SFI1: variants seen among roughly 807,000 people sequenced by gnomAD.
SFI1 encodes SFI1 centrin binding protein, also known as protein SFI1 homolog.
Under a neutral mutation model 207.5 loss-of-function variants are expected in SFI1, and 195 were observed. That is an observed-to-expected ratio of 0.94 (90% CI 0.84 to 1.06). SFI1 has a LOEUF of 1.06. SFI1 is among the 50% of genes least tolerant of loss of function. SFI1 has a pLI of 0.00. For missense variants in SFI1, 1,634 were observed against 1,588.0 expected (o/e 1.03, Z -0.49); for synonymous variants, 630 against 598.9 (o/e 1.05, Z -0.76).
chr22:31,562,437 CAAAAA>C (rs528463423), intron 8 of SFI1, among the ~76,000 whole-genome samples: 2 of 99,990 alleles, frequency 2.0e-5, no homozygotes, highest in Non-Finnish European at 4.4e-5. Flanking sequence ...GGCCCTGTCT[CAAAAA>C]AAAAAAAAAA....
In SFI1 at chr22:31,604,357, C is replaced by T. The variant is rs149899528; in HGVS notation, c.1930C>T (p.Leu644=). 1.6e-5 allele frequency: 26 copies of T among 1,579,008 alleles called. No homozygotes were observed. The African/African-American group carries it at 3.5e-4, about 21-fold the overall frequency. ...GCGGCAGAAGCTGATGCGAGCAGAC[C>T]TGCACCACCAGCACAGCGTGCTGCA... ...AERQKLMRAD[L]HHQHSVLHRA... Residue 644 remains leucine (L), a synonymous_variant, in exon 19 of 33, where the codon CTG becomes TTG. Transcript: ENST00000400288.
At chr22:31,496,199 G>A (rs1001798647), upstream of SFI1, 1 of 152,274 alleles carries the variant, frequency 6.6e-6, no homozygotes, top group Non-Finnish European at 1.5e-5. Flanking sequence ...CTCATCTTTA[G>A]TGCTCGGCCG....
At chr22:31,611,657 A>G in intron 23 of SFI1, 109 bp from the exon 24 acceptor site, 2 of 1,129,672 alleles carry the variant, frequency 1.8e-6, no homozygotes, top group South Asian at 1.5e-5. Flanking sequence ...CAGGACTCCT[A>G]GCAATGGGAG....
At chr22:31,521,850 A>G (rs2057307569) in intron 2 of SFI1, among the ~76,000 whole-genome samples, 1 of 150,934 alleles carries the variant, frequency 6.6e-6, no homozygotes, top group Non-Finnish European at 1.5e-5. Context: ...TGTAACCTCC[A>G]CCTCCTAGGT....
intron 15 of SFI1, among the ~76,000 whole-genome samples, chr22:31,589,948 C>T (rs2146423508): frequency 6.6e-6 from 1 of 151,506 alleles, no homozygotes; most frequent in Admixed American, 6.6e-5. Context: ...CCATGACCTG[C>T]CATCTGCAAG....
chr22:31,581,490 C>T (rs2146127782), intron 12 of SFI1, among the ~76,000 whole-genome samples: 1 of 152,102 alleles, frequency 6.6e-6, no homozygotes, highest in South Asian at 2.1e-4. Context: ...GGGTTTTTCC[C>T]CATGTTGGTT....
chr22:31,606,519 T>C (rs1304875243), intron 21 of SFI1, 89 bp downstream of exon 21: 14 of 1,029,964 alleles, frequency 1.4e-5, no homozygotes, highest in Non-Finnish European at 2.1e-5. Context: ...GTGCCAGAGA[T>C]TTGAACTGAA....
intron 6 of SFI1, among the ~76,000 whole-genome samples, chr22:31,553,842 T>TTG: frequency 1.5e-5 from 1 of 66,156 alleles, no homozygotes; most frequent in Non-Finnish European, 3.0e-5. Context: ...GATTATGTTT[T>TTG]TTTTTTTTTT....
chr22:31,589,330 A>T lies in SFI1; in HGVS notation c.1414-117A>T, dbSNP rs571273521. 3 of 1,029,362 alleles carry T rather than the reference A, an allele frequency of 2.9e-6. No individual in the cohort carries two copies. The East Asian group carries it at 8.5e-5, about 29-fold the overall frequency. 63.8% of individuals were successfully genotyped at this position (1,029,362 alleles called of 1,614,324 possible). A position where few individuals can be genotyped will look rare whatever the true frequency, so the allele number is the denominator to read the frequency against. ...TGGCAAAGATAATAAATAATGATTC[A>T]TCTTTTTCTCATTTTTATTATATAG... is the stretch of plus-strand genomic sequence containing the variant. On this transcript the variant is annotated intron_variant, in intron 14 of 32. Transcript: ENST00000400288.
rs59382278 is a variant in SFI1, at chr22:31,549,288, T to TAAAAAAAAAAAAA, written c.450-951_450-939dup. ...CTAGGTGACAGAGTGAGACCCTGTG[T>TAAAAAAAAAAAAA]AAAAAAAAAAAAAAAAAAAAAAAAA... On this transcript the variant is annotated intron_variant, in intron 5 of 32. Transcript: ENST00000400288. Among the ~76,000 whole-genome samples the TAAAAAAAAAAAAA allele has an allele frequency of 3.0e-4, 11 of 37,216 alleles. 1 individual carries two copies. Among genetic ancestry groups the TAAAAAAAAAAAAA allele is most frequent in the African/African-American group, 1.2e-3 (10 of 8,066 alleles). 24.4% of individuals were successfully genotyped at this position (37,216 alleles called of 152,430 possible).
At chr22:31,585,939 C>T (rs1332355139) in intron 14 of SFI1, among the ~76,000 whole-genome samples, 1 of 152,144 alleles carries the variant, frequency 6.6e-6, no homozygotes, top group Non-Finnish European at 1.5e-5. Flanking sequence ...GCTGCCCACC[C>T]TACCCGTACC....
intron 4 of SFI1, among the ~76,000 whole-genome samples, chr22:31,531,762 G>T (rs188475108): frequency 6.6e-6 from 1 of 152,020 alleles, no homozygotes; most frequent in Non-Finnish European, 1.5e-5. Flanking sequence ...ACGTGGTGGC[G>T]CATGCCTGTA....
At chr22:31,560,341 A>G (rs1389749073) in intron 7 of SFI1, among the ~76,000 whole-genome samples, 1 of 151,906 alleles carries the variant, frequency 6.6e-6, no homozygotes, top group East Asian at 1.9e-4. Context: ...GAAATCTAAA[A>G]GCCACTTGAT....
At chr22:31,502,376 AT>A (rs771135776) in intron 1 of SFI1, among the ~76,000 whole-genome samples, 2,762 of 143,146 alleles carry the variant, frequency 0.019, 63 homozygotes, top group African/African-American at 0.057. Context: ...TTCAGGTTCA[AT>A]TTTTTTTTTT....
intron 29 of SFI1, 43 bp downstream of exon 29, chr22:31,615,322 C>T (rs1006913582): frequency 7.1e-7 from 1 of 1,414,970 alleles, no homozygotes; most frequent in Non-Finnish European, 9.3e-7. Context: ...GGCTCTCACT[C>T]TGGTCTGACT....
At position 31,611,185 on chromosome 22, in the gene SFI1, G is replaced by A. The variant is rs777136780; in HGVS notation, c.2297G>A (p.Arg766Gln). The A allele has an allele frequency of 8.3e-5, 134 of 1,614,000 alleles. No individual in the cohort carries two copies. Among genetic ancestry groups the A allele is most frequent in the East Asian group, 6.7e-4 (30 of 44,902 alleles). The change falls in exon 23 of 33, where the codon CGG becomes CAG. Residue 766 changes from arginine to glutamine, a missense_variant. By Grantham distance (43) the Arg-to-Gln change is conservative (BLOSUM62 1). Coordinates refer to ENST00000400288, the MANE Select transcript of SFI1 (RefSeq NM_001007467.3). ...TWFQRWWDCS[R>Q]RSAQQRLQLE... is the part of the protein sequence containing the mutation. Reference sequence around the variant, plus strand: ...TTTCAGCGCTGGTGGGACTGCAGCCGGAGGTCAGCCCAGCAGAGACTGCAG... The same window carrying A: ...TTTCAGCGCTGGTGGGACTGCAGCCAGAGGTCAGCCCAGCAGAGACTGCAG...
intron 4 of SFI1, among the ~76,000 whole-genome samples, chr22:31,537,008 C>T (rs1043157175): frequency 1.3e-4 from 20 of 151,930 alleles, no homozygotes; most frequent in Non-Finnish European, 1.8e-4. Flanking sequence ...GCTCTGCCTC[C>T]CAAAGTGTTA....
At chr22:31,508,508 A>G in intron 2 of SFI1, 132 bp downstream of exon 2, 2 of 624,900 alleles carry the variant, frequency 3.2e-6, no homozygotes, top group Non-Finnish European at 5.5e-6. Context: ...TGTCATTGAT[A>G]TTTCAAATTT....
chr22:31,594,745 C>T (rs1303649704), intron 15 of SFI1, among the ~76,000 whole-genome samples: 1 of 148,792 alleles, frequency 6.7e-6, no homozygotes, highest in Admixed American at 6.8e-5. Context: ...GTCCCAGCTA[C>T]TCAGGAGGCT....
Sources: allele counts gnomAD v4.1 joint callset (sites outside exome capture counted in the v4.1 genomes callset), GRCh38; gene constraint gnomAD v4.1.1; transcripts MANE v1.5; gene names NCBI Gene and HGNC (gene_info 2026-07-23, HGNC 2026-07-21).